Variants in AFG1L observed in about 807,000 individuals in gnomAD.
AFG1L encodes the protein AFG1-like ATPase.
Under a neutral mutation model 62.2 loss-of-function variants are expected in AFG1L, and 53 were observed. The ratio of observed to expected loss-of-function variants is 0.85; its 90% CI spans 0.68 to 1.07. The LOEUF (loss-of-function observed/expected upper bound fraction) is 1.07. Among genes scored for constraint, AFG1L ranks in the 50% least tolerant of loss-of-function variants. The pLI is 0.00. For synonymous variants in AFG1L, 228 were observed against 210.3 expected (o/e 1.08, Z -0.73); for missense variants, 555 against 590.5 (o/e 0.94, Z 0.62).
At chr6:108,331,300 CAG>C (rs1778270057) in intron 2 of AFG1L, among the ~76,000 whole-genome samples, 2 of 152,214 alleles carry the variant, frequency 1.3e-5, no homozygotes, top group East Asian at 3.9e-4. Context: ...CAAAACAAAA[CAG>C]AACAAAACAA....
chr6:108,455,972 C>T (rs988075522), intron 8 of AFG1L, among the ~76,000 whole-genome samples: 2 of 152,072 alleles, frequency 1.3e-5, no homozygotes, highest in Non-Finnish European at 2.9e-5. Context: ...TTGTTCAAGT[C>T]TCCTATATTC....
intron 7 of AFG1L, among the ~76,000 whole-genome samples, chr6:108,426,135 A>G (rs1262773308): frequency 6.6e-6 from 1 of 152,132 alleles, no homozygotes; most frequent in Non-Finnish European, 1.5e-5. Context: ...TTTTATTGAG[A>G]TATTCTTTTT....
chr6:108,388,054 T>A (rs1780852806), intron 6 of AFG1L: 1 of 152,140 alleles, frequency 6.6e-6, no homozygotes, highest in Non-Finnish European at 1.5e-5. Flanking sequence ...AAAGACAATC[T>A]AGAGGCAAAG....
chr6:108,350,482 C>T (rs1246408020), intron 3 of AFG1L, among the ~76,000 whole-genome samples: 1 of 152,122 alleles, frequency 6.6e-6, no homozygotes, highest in African/African-American at 2.4e-5. Flanking sequence ...AGATGATTGA[C>T]TCAGATGGAT....
At chr6:108,478,403 T>C (rs565036435) in intron 10 of AFG1L, among the ~76,000 whole-genome samples, 100 of 152,320 alleles carry the variant, frequency 6.6e-4, no homozygotes, top group African/African-American at 1.8e-3. Flanking sequence ...CTCCACTGCA[T>C]TCCAGTCTGG....
At chr6:108,323,348 A>G (rs1312293665) in intron 1 of AFG1L, among the ~76,000 whole-genome samples, 1 of 152,146 alleles carries the variant, frequency 6.6e-6, no homozygotes, top group African/African-American at 2.4e-5. Context: ...TAAAACAATT[A>G]GAAATATATT....
intron 2 of AFG1L, among the ~76,000 whole-genome samples, chr6:108,332,630 T>C (rs1386936694): frequency 6.6e-6 from 1 of 152,206 alleles, no homozygotes; most frequent in Non-Finnish European, 1.5e-5. Flanking sequence ...CTTTTCTTTT[T>C]TTCGAGGTAG....
intron 5 of AFG1L, among the ~76,000 whole-genome samples, chr6:108,358,414 C>A (rs1779384140): frequency 6.6e-6 from 1 of 152,214 alleles, no homozygotes; most frequent in Non-Finnish European, 1.5e-5. Context: ...GATATCTCCA[C>A]ATGGAGATGA....
At chr6:108,317,219 A>G (rs1399135116) in intron 1 of AFG1L, among the ~76,000 whole-genome samples, 1 of 152,212 alleles carries the variant, frequency 6.6e-6, no homozygotes, top group East Asian at 1.9e-4. Flanking sequence ...GTGGCATTGC[A>G]GTAGAGAAAA....
At chr6:108,375,816 A>G (rs1006990302) in intron 6 of AFG1L, among the ~76,000 whole-genome samples, 2 of 152,078 alleles carry the variant, frequency 1.3e-5, no homozygotes, top group Non-Finnish European at 2.9e-5. Flanking sequence ...TACTAGGGTG[A>G]TACTGGCTTT....
intron 7 of AFG1L, among the ~76,000 whole-genome samples, chr6:108,427,112 A>T (rs1770848721): frequency 6.6e-6 from 1 of 152,034 alleles, no homozygotes; most frequent in South Asian, 2.1e-4. Flanking sequence ...TTATTTATTT[A>T]TCTTTTTGGA....
At chr6:108,412,433 C>T (rs564991255) in intron 7 of AFG1L, among the ~76,000 whole-genome samples, 25 of 152,144 alleles carry the variant, frequency 1.6e-4, no homozygotes, top group Admixed American at 3.9e-4. Context: ...AGATACTCCT[C>T]GAGAAGAGCA....
intron 2 of AFG1L, among the ~76,000 whole-genome samples, chr6:108,327,735 C>G (rs572091909): frequency 4.6e-5 from 7 of 152,288 alleles, no homozygotes; most frequent in Admixed American, 1.3e-4. Flanking sequence ...TTTTGTTGTT[C>G]CTTTTCTCTC....
rs117582707 is a variant in AFG1L, at chr6:108,411,034, C to A, written c.807+8980C>A. ...CCTAGCAAAGGGAAGCCATGACAGG[C>A]GGTACCTGGAAAATCGGGACACTCC... On this transcript the variant is annotated intron_variant, in intron 7 of 12. Coordinates refer to ENST00000368977, the MANE Select transcript of AFG1L (RefSeq NM_145315.5). 4.0e-4 allele frequency among the ~76,000 whole-genome samples: 61 copies of A among 152,124 alleles called. 1 individual carries two copies. The East Asian group carries it at 9.5e-3, about 24-fold the overall frequency.
intron 7 of AFG1L, among the ~76,000 whole-genome samples, chr6:108,414,408 C>T (rs1008548992): frequency 1.3e-5 from 2 of 152,148 alleles, no homozygotes; most frequent in Admixed American, 6.5e-5. Flanking sequence ...GGGAATCCTC[C>T]CTAATTCATT....
At position 108,519,731 on chromosome 6, in the gene AFG1L, C is replaced by T. The variant is rs981212025; in HGVS notation, c.1238C>T (p.Ser413Leu). 1 of 1,613,062 alleles carries T rather than the reference C, an allele frequency of 6.2e-7. No individual in the cohort carries two copies. The highest frequency in any genetic ancestry group is 1.7e-5 in the Admixed American group (1 of 59,914). The change falls in exon 12 of 13, where the codon TCA (serine) becomes TTA (leucine). Residue 413 changes from serine (S) to leucine (L), a missense_variant. Ser to Leu is a moderately radical substitution (Grantham distance 145, BLOSUM62 -2). Transcript: ENST00000368977. Reference protein sequence around the residue: ...RIICSASTPISSLFLHQHHDS... With the variant: ...RIICSASTPILSLFLHQHHDS... ...ATTTGCTCTGCGTCGACTCCTATAT[C>T]AAGCTTATTTTTGCATCAACATCAT...
intron 10 of AFG1L, among the ~76,000 whole-genome samples, chr6:108,493,086 G>A (rs531698231): frequency 6.6e-6 from 1 of 152,110 alleles, no homozygotes; most frequent in Non-Finnish European, 1.5e-5. Flanking sequence ...CAGCTCACTT[G>A]TGCTGTTCCT....
At chr6:108,316,380 CAAAAAAAAA>C (rs768461563) in intron 1 of AFG1L, among the ~76,000 whole-genome samples, 3 of 18,842 alleles carry the variant, frequency 1.6e-4, no homozygotes, top group Admixed American at 1.3e-3. Flanking sequence ...GACTCCGTCT[CAAAAAAAAA>C]AAAAAAAAAA....
intron 6 of AFG1L, among the ~76,000 whole-genome samples, chr6:108,373,421 T>G (rs1475215014): frequency 2.0e-5 from 3 of 152,308 alleles, no homozygotes; most frequent in Admixed American, 1.3e-4. Context: ...TACCACATTT[T>G]CCTCATCCAG....
Sources: allele counts gnomAD v4.1 joint callset (sites outside exome capture counted in the v4.1 genomes callset), GRCh38; gene constraint gnomAD v4.1.1; transcripts MANE v1.5; gene names NCBI Gene and HGNC (gene_info 2026-07-23, HGNC 2026-07-21).